MYT1L: variants seen among roughly 807,000 people sequenced by gnomAD.
MYT1L encodes myelin transcription factor 1 like, also known as myelin transcription factor 1-like protein.
In MYT1L, 12 loss-of-function variants were observed where a neutral mutation model predicts 126.7. The ratio of observed to expected loss-of-function variants is 0.09; its 90% CI spans 0.06 to 0.15. MYT1L has a LOEUF of 0.15. MYT1L is among the 10% of genes least tolerant of loss of function. MYT1L has a pLI of 1.00. For synonymous variants in MYT1L, 541 were observed against 604.2 expected (o/e 0.90, Z 1.53); for missense variants, 979 against 1,585.2 (o/e 0.62, Z 6.49).
intron 9 of MYT1L, among the ~76,000 whole-genome samples, chr2:1,927,681 A>G (rs2149142893): frequency 6.6e-6 from 1 of 152,264 alleles, no homozygotes; most frequent in Admixed American, 6.5e-5. Flanking sequence ...AGGGGACTGT[A>G]CTCCAAAGCA....
At chr2:1,977,493 C>T (rs539944194) in intron 8 of MYT1L, among the ~76,000 whole-genome samples, 1 of 152,240 alleles carries the variant, frequency 6.6e-6, no homozygotes, top group Admixed American at 6.5e-5. Flanking sequence ...CTCATTACAA[C>T]TTTTTATAAT....
At chr2:2,085,242 G>A (rs555123716) in intron 3 of MYT1L, among the ~76,000 whole-genome samples, 2 of 152,254 alleles carry the variant, frequency 1.3e-5, no homozygotes, top group African/African-American at 4.8e-5. Context: ...GCTCAGGCAA[G>A]CCCCCTGAAC....
intron 3 of MYT1L, among the ~76,000 whole-genome samples, chr2:2,079,233 A>C (rs2075552903): frequency 2.0e-5 from 3 of 152,234 alleles, no homozygotes; most frequent in African/African-American, 4.8e-5. Context: ...ATTAGAAAAC[A>C]AGCTCATTAA....
intron 21 of MYT1L, among the ~76,000 whole-genome samples, chr2:1,835,023 TGGATACA>T (rs2040687062): frequency 7.9e-6 from 1 of 127,144 alleles, no homozygotes; most frequent in African/African-American, 3.7e-5. Flanking sequence ...ACCACGGGGA[TGGATACA>T]GGTGCTCCTC....
intron 4 of MYT1L, among the ~76,000 whole-genome samples, chr2:2,050,977 G>A (rs1287516388): frequency 6.6e-6 from 1 of 152,160 alleles, no homozygotes; most frequent in East Asian, 1.9e-4. Context: ...AGGATGGCAG[G>A]CAGATGAGTG....
chr2:1,905,314 C>A (rs1430005959), intron 13 of MYT1L, among the ~76,000 whole-genome samples: 1 of 151,694 alleles, frequency 6.6e-6, no homozygotes, highest in African/African-American at 2.4e-5. Flanking sequence ...GTGGTGAATT[C>A]ATGTATTAGT....
chr2:2,201,260 T>C (rs999162049), intron 2 of MYT1L, among the ~76,000 whole-genome samples: 1 of 152,198 alleles, frequency 6.6e-6, no homozygotes, highest in African/African-American at 2.4e-5. Context: ...CAGGACCTGG[T>C]GACCTGGCTT....
At chr2:2,032,140 G>T (rs1211551596) in intron 4 of MYT1L, among the ~76,000 whole-genome samples, 1 of 123,578 alleles carries the variant, frequency 8.1e-6, no homozygotes, top group East Asian at 2.6e-4. Flanking sequence ...GCAGATTCTA[G>T]AAGGAGGGCC....
At chr2:2,189,547 T>C (rs535718253) in intron 2 of MYT1L, among the ~76,000 whole-genome samples, 1 of 152,262 alleles carries the variant, frequency 6.6e-6, no homozygotes, top group South Asian at 2.1e-4. Flanking sequence ...TTCATAAATA[T>C]ATAATCACTT....
At chr2:2,320,564 A>G (rs1443776280) in intron 1 of MYT1L, among the ~76,000 whole-genome samples, 1 of 152,118 alleles carries the variant, frequency 6.6e-6, no homozygotes, top group Non-Finnish European at 1.5e-5. Context: ...GTTACTCTTG[A>G]AGAGAAACAG....
chr2:1,892,698 G>C (rs570190099), intron 14 of MYT1L, among the ~76,000 whole-genome samples: 4 of 152,084 alleles, frequency 2.6e-5, no homozygotes, highest in African/African-American at 4.8e-5. Flanking sequence ...GGCCCTAAGC[G>C]TGAGTGGGGC....
intron 14 of MYT1L, 75 bp from the exon 15 acceptor site, chr2:1,892,362 C>G: frequency 1.3e-6 from 2 of 1,492,310 alleles, no homozygotes; most frequent in South Asian, 2.7e-5. Flanking sequence ...GCAGGGCCTG[C>G]CCGCCCCGGC....
chr2:2,211,999 C>A (rs1355593825), intron 2 of MYT1L, among the ~76,000 whole-genome samples: 1 of 151,962 alleles, frequency 6.6e-6, no homozygotes, highest in Non-Finnish European at 1.5e-5. Context: ...GAGCAGAATG[C>A]CAAATGCCAG....
intron 2 of MYT1L, among the ~76,000 whole-genome samples, chr2:2,175,384 G>GTGCC (rs1362048110): frequency 6.6e-6 from 1 of 152,070 alleles, no homozygotes; most frequent in African/African-American, 2.4e-5. Flanking sequence ...GGCAGTGCCT[G>GTGCC]TGCCTGTCTG....
intron 14 of MYT1L, among the ~76,000 whole-genome samples, chr2:1,899,622 T>C (rs1438077604): frequency 6.6e-6 from 1 of 152,236 alleles, no homozygotes; most frequent in East Asian, 1.9e-4. Flanking sequence ...GTCTCCGTCC[T>C]GGCCTCCAGA....
intron 1 of MYT1L, among the ~76,000 whole-genome samples, chr2:2,298,442 C>T (rs187044385): frequency 6.6e-6 from 1 of 152,328 alleles, no homozygotes; most frequent in Non-Finnish European, 1.5e-5. Context: ...TTTAGTTTAA[C>T]ACATGGCTTT....
intron 21 of MYT1L, chr2:1,826,102 G>A (rs1029908513): frequency 1.3e-5 from 2 of 152,320 alleles, no homozygotes; most frequent in Non-Finnish European, 2.9e-5. Flanking sequence ...TGAGCTGTGA[G>A]TTGGACTGTG....
chr2:2,122,836 A>AGTGTGTGT (rs2081206525), intron 3 of MYT1L, among the ~76,000 whole-genome samples: 1 of 116,150 alleles, frequency 8.6e-6, no homozygotes, highest in African/African-American at 3.8e-5. Flanking sequence ...GGAGGATAGG[A>AGTGTGTGT]ATGTGTGTGT....
chr2:1,866,675 GA>G, intron 18 of MYT1L, among the ~76,000 whole-genome samples: 1 of 112,434 alleles, frequency 8.9e-6, no homozygotes, highest in Non-Finnish European at 1.9e-5. Flanking sequence ...GAGGGAGGGA[GA>G]GAGAGAGGCA....
Sources: gnomAD v4.1 joint callset for allele counts (sites outside exome capture counted in the v4.1 genomes callset) on GRCh38, gnomAD v4.1.1 for gene constraint, MANE v1.5 for transcripts, NCBI Gene and HGNC (gene_info 2026-07-23, HGNC 2026-07-21) for gene names.